CPE: variants seen among roughly 807,000 people sequenced by gnomAD.
CPE encodes the protein carboxypeptidase E, also known as carbocypeptidase E.
In CPE, 17 loss-of-function variants were observed where a neutral mutation model predicts 53.5. That is an observed-to-expected ratio of 0.32 (90% confidence interval 0.22 to 0.48). The LOEUF is 0.48. Ranked by LOEUF, CPE falls within the 20% of genes least tolerant of loss-of-function variation. The pLI is 0.99. For synonymous variants in CPE, 226 were observed against 228.8 expected (o/e 0.99, Z 0.11); for missense variants, 524 against 614.7 (o/e 0.85, Z 1.56).
rs568585778 is a variant in CPE, at chr4:165,467,867, G to A, written c.672+12G>A. ...ATCAAAACACAAAGGTAGTGACCAC[G>A]GGATAGTCTTCTTGGGTTCGTCTCT... On this transcript the variant is annotated intron_variant, in intron 3 of 8. Transcript: ENST00000402744. 12 of 1,612,464 alleles carry A rather than the reference G, an allele frequency of 7.4e-6. No homozygotes were observed. The East Asian group carries it at 8.9e-5, about 12-fold the overall frequency.
At chr4:165,410,067 G>T (rs1056108359) in intron 1 of CPE, among the ~76,000 whole-genome samples, 1 of 151,980 alleles carries the variant, frequency 6.6e-6, no homozygotes, top group South Asian at 2.1e-4. Context: ...GGCCAACATG[G>T]TGAAACCCCT....
chr4:165,380,035 A>T (rs992395783), intron 1 of CPE, among the ~76,000 whole-genome samples: 1 of 152,108 alleles, frequency 6.6e-6, no homozygotes, highest in African/African-American at 2.4e-5. Context: ...GTCATTTATC[A>T]TGTTTTCTCT....
chr4:165,434,967 C>A (rs553545634), intron 1 of CPE, among the ~76,000 whole-genome samples: 1 of 152,156 alleles, frequency 6.6e-6, no homozygotes, highest in South Asian at 2.1e-4. Context: ...TGGCACCTCC[C>A]TTCTTTTGCT....
intron 1 of CPE, among the ~76,000 whole-genome samples, chr4:165,457,941 T>C (rs1292480052): frequency 1.3e-5 from 2 of 152,214 alleles, no homozygotes; most frequent in Admixed American, 1.3e-4. Flanking sequence ...CCTTTAGGAA[T>C]ATGCCCAGCA....
chr4:165,472,410 C>T (rs1732224349), intron 3 of CPE, among the ~76,000 whole-genome samples: 1 of 149,508 alleles, frequency 6.7e-6, no homozygotes, highest in Non-Finnish European at 1.5e-5. Context: ...GTCAAAGACA[C>T]AGTTGCCAAG....
At chr4:165,428,204 A>T (rs1412025577) in intron 1 of CPE, among the ~76,000 whole-genome samples, 1 of 151,948 alleles carries the variant, frequency 6.6e-6, no homozygotes, top group Non-Finnish European at 1.5e-5. Flanking sequence ...ACTAATTTTA[A>T]TTTTTTAAAT....
chr4:165,393,761 A>G (rs1730720054), intron 1 of CPE, among the ~76,000 whole-genome samples: 1 of 152,190 alleles, frequency 6.6e-6, no homozygotes, highest in South Asian at 2.1e-4. Flanking sequence ...ATGTTTTCAA[A>G]TCCTTAGAGC....
intron 1 of CPE, among the ~76,000 whole-genome samples, chr4:165,417,590 TG>T (rs1731146678): frequency 6.6e-6 from 1 of 152,022 alleles, no homozygotes; most frequent in Non-Finnish European, 1.5e-5. Context: ...TTGTCTTTTT[TG>T]ATGGTAGAAA....
chr4:165,402,657 C>G (rs1415964199), intron 1 of CPE, among the ~76,000 whole-genome samples: 5 of 152,204 alleles, frequency 3.3e-5, no homozygotes, highest in Non-Finnish European at 5.9e-5. Flanking sequence ...GAGCCCTCCC[C>G]AGAAGCCGTG....
At chr4:165,418,574 T>C (rs1346430748) in intron 1 of CPE, among the ~76,000 whole-genome samples, 1 of 152,212 alleles carries the variant, frequency 6.6e-6, no homozygotes, top group African/African-American at 2.4e-5. Context: ...CGTTATTCCA[T>C]TAGAATAGAA....
At chr4:165,457,892 C>T (rs1731930464) in intron 1 of CPE, among the ~76,000 whole-genome samples, 1 of 152,096 alleles carries the variant, frequency 6.6e-6, no homozygotes, top group Admixed American at 6.5e-5. Context: ...CCATCCTACC[C>T]CCTCGTGTTG....
chr4:165,438,318 C>T (rs528813650), intron 1 of CPE, among the ~76,000 whole-genome samples: 25 of 152,140 alleles, frequency 1.6e-4, no homozygotes, highest in African/African-American at 5.3e-4. Context: ...TTTTGCAGCA[C>T]GGGGCTTTCC....
intron 1 of CPE, among the ~76,000 whole-genome samples, chr4:165,428,899 G>A (rs1469399740): frequency 6.6e-6 from 1 of 152,180 alleles, no homozygotes; most frequent in Non-Finnish European, 1.5e-5. Flanking sequence ...AATCACATCT[G>A]CAAAGATTCT....
Position 165,379,603 on chromosome 4 carries a change from G to A in CPE, c.307+75G>A. On this transcript the variant is annotated intron_variant, in intron 1 of 8. Transcript: ENST00000402744. This position sits in a 1 kb window ranked among gnomAD's most constrained non-coding sequence, Gnocchi z 6.0. ...GCAGAGGGTGGGACTGGTGGCGGTG[G>A]GGGAAGGAGGGAGGGATGGGCCCAG... 8.0e-7 allele frequency: 1 copy of A among 1,251,334 alleles called. No homozygotes were observed. Among genetic ancestry groups the A allele is most frequent in the Non-Finnish European group, 1.1e-6 (1 of 943,628 alleles). The allele number at this position is 1,251,334 out of a possible 1,614,324, so 77.5% of individuals were successfully genotyped here. A position where few individuals can be genotyped will look rare whatever the true frequency, so the allele number is the denominator to read the frequency against.
At chr4:165,456,368 T>A (rs551923104) in intron 1 of CPE, among the ~76,000 whole-genome samples, 1 of 152,254 alleles carries the variant, frequency 6.6e-6, no homozygotes, top group Admixed American at 6.5e-5. Flanking sequence ...GTTGAATTCA[T>A]AATGATGCAG....
At chr4:165,434,981 G>C (rs2126681750) in intron 1 of CPE, among the ~76,000 whole-genome samples, 1 of 152,144 alleles carries the variant, frequency 6.6e-6, no homozygotes, top group African/African-American at 2.4e-5. Context: ...TTTTGCTCTG[G>C]CTTTCTCTCT....
chr4:165,476,586 T>C (rs1269707340), intron 3 of CPE, among the ~76,000 whole-genome samples: 1 of 152,104 alleles, frequency 6.6e-6, no homozygotes, highest in African/African-American at 2.4e-5. Flanking sequence ...TTTAATCTAT[T>C]GGGAGACTGC....
intron 1 of CPE, among the ~76,000 whole-genome samples, chr4:165,447,751 C>T (rs1731742106): frequency 6.6e-6 from 1 of 152,018 alleles, no homozygotes; most frequent in African/African-American, 2.4e-5. Flanking sequence ...TCTTTTCTTT[C>T]TCTTATATCC....
intron 3 of CPE, among the ~76,000 whole-genome samples, chr4:165,480,351 T>G (rs1732383203): frequency 1.3e-5 from 2 of 152,236 alleles, no homozygotes; most frequent in Non-Finnish European, 2.9e-5. Flanking sequence ...TGCTTAGCTT[T>G]TGGTCAAGTC....
Sources: allele counts gnomAD v4.1 joint callset (sites outside exome capture counted in the v4.1 genomes callset), GRCh38; gene constraint gnomAD v4.1.1; non-coding constraint Gnocchi (gnomAD v3.1); transcripts MANE v1.5; gene names NCBI Gene and HGNC (gene_info 2026-07-23, HGNC 2026-07-21).